PAFAH1B1: variants seen among roughly 807,000 people sequenced by gnomAD.
PAFAH1B1 encodes the protein platelet activating factor acetylhydrolase 1b regulatory subunit 1, also known as platelet-activating factor acetylhydrolase IB subunit beta.
In PAFAH1B1, 2 loss-of-function variants were observed where a neutral mutation model predicts 57.5. The observed-to-expected ratio is 0.03, with a 90% CI of 0.01 to 0.11. PAFAH1B1 has a LOEUF of 0.11. Ranked by LOEUF, PAFAH1B1 falls within the 10% of genes least tolerant of loss-of-function variation. The pLI is 1.00. For missense variants in PAFAH1B1, 257 were observed against 512.0 expected (o/e 0.50, Z 4.81); for synonymous variants, 152 against 169.6 (o/e 0.90, Z 0.81).
chr17:2,597,010 G>A (rs964085127), intron 1 of PAFAH1B1, among the ~76,000 whole-genome samples: 25 of 152,208 alleles, frequency 1.6e-4, no homozygotes, highest in East Asian at 1.5e-3. Context: ...GCAGTGAGCC[G>A]AGATCGTGCC....
intron 2 of PAFAH1B1, among the ~76,000 whole-genome samples, 191 bp from the exon 3 acceptor site, chr17:2,665,181 G>A (rs1035944233): frequency 6.6e-6 from 1 of 151,878 alleles, no homozygotes; most frequent in Non-Finnish European, 1.5e-5. Context: ...TATTATGGAT[G>A]TAGTATGACA....
intron 2 of PAFAH1B1, chr17:2,642,229 A>G (rs1045587095): frequency 2.0e-5 from 3 of 152,174 alleles, no homozygotes; most frequent in African/African-American, 4.8e-5. Context: ...CACTTCCTCA[A>G]TTCTGTAATA....
At chr17:2,655,173 A>T (rs1331426634) in intron 2 of PAFAH1B1, among the ~76,000 whole-genome samples, 1 of 134,980 alleles carries the variant, frequency 7.4e-6, no homozygotes, top group Non-Finnish European at 1.6e-5. Context: ...AAAAATATAT[A>T]TATACATATA....
At chr17:2,651,581 T>C in intron 2 of PAFAH1B1, among the ~76,000 whole-genome samples, 1 of 147,892 alleles carries the variant, frequency 6.8e-6, no homozygotes. Flanking sequence ...TGAGACTCCA[T>C]CTCAAAAAAA....
intron 1 of PAFAH1B1, among the ~76,000 whole-genome samples, chr17:2,632,291 T>A (rs947869826): frequency 1.3e-5 from 2 of 152,220 alleles, no homozygotes; most frequent in Non-Finnish European, 2.9e-5. Context: ...TTCAAAAAAA[T>A]TCAGTTATTT....
intron 4 of PAFAH1B1, 88 bp downstream of exon 4, chr17:2,666,178 G>C: frequency 2.6e-6 from 3 of 1,146,314 alleles, no homozygotes; most frequent in South Asian, 2.9e-5. Context: ...ATTAATAATT[G>C]CATCTAATCT....
chr17:2,665,958 T>C, intron 3 of PAFAH1B1, 58 bp from the exon 4 acceptor site: 9 of 1,356,796 alleles, frequency 6.6e-6, no homozygotes, highest in Non-Finnish European at 9.0e-6. Flanking sequence ...TGAATGATCT[T>C]TGTCTTGAGG....
chr17:2,661,831 C>T (rs867347392), intron 2 of PAFAH1B1: 3 of 152,020 alleles, frequency 2.0e-5, no homozygotes, highest in Non-Finnish European at 4.4e-5. Flanking sequence ...CGTGGTGGCT[C>T]ATGTCTGTAA....
intron 9 of PAFAH1B1, among the ~76,000 whole-genome samples, chr17:2,677,601 TC>T (rs529145172): frequency 1.8e-3 from 268 of 152,292 alleles, no homozygotes; most frequent in African/African-American, 5.8e-3. Flanking sequence ...ACGCCTGTAA[TC>T]CCCGCACTTT....
intron 6 of PAFAH1B1, 74 bp from the exon 7 acceptor site, chr17:2,672,568 CCCCATGGTAAAAT>C (rs2069198907): frequency 1.1e-6 from 1 of 909,980 alleles, no homozygotes; most frequent in East Asian, 2.5e-5. Context: ...CATAGTGAAA[CCCCATGGTAAAAT>C]CCCATGGTCA....
intron 2 of PAFAH1B1, among the ~76,000 whole-genome samples, chr17:2,655,559 C>T (rs903870201): frequency 6.6e-6 from 1 of 152,084 alleles, no homozygotes; most frequent in Non-Finnish European, 1.5e-5. Flanking sequence ...CTGGTAATCC[C>T]AGCTACTCCG....
At chr17:2,614,595 C>G (rs1170451283) in intron 1 of PAFAH1B1, among the ~76,000 whole-genome samples, 4 of 152,110 alleles carry the variant, frequency 2.6e-5, no homozygotes. Flanking sequence ...TTAAAGACGA[C>G]TTTTATAAAA....
chr17:2,596,211 C>T (rs2068082809), intron 1 of PAFAH1B1, among the ~76,000 whole-genome samples: 1 of 151,412 alleles, frequency 6.6e-6, no homozygotes, highest in Non-Finnish European at 1.5e-5. Context: ...AAGATACACA[C>T]ACACATATAT....
intron 2 of PAFAH1B1, among the ~76,000 whole-genome samples, chr17:2,660,786 C>A (rs2069003952): frequency 6.6e-6 from 1 of 152,166 alleles, no homozygotes; most frequent in East Asian, 1.9e-4. Flanking sequence ...ATTGCTGGGT[C>A]AAATGGTATT....
At chr17:2,598,549 G>C (rs576183157) in intron 1 of PAFAH1B1, among the ~76,000 whole-genome samples, 1 of 151,590 alleles carries the variant, frequency 6.6e-6, no homozygotes, top group African/African-American at 2.4e-5. Context: ...TTTTGAAGTG[G>C]AAATTCTTTG....
At chr17:2,602,933 T>G (rs2068161828) in intron 1 of PAFAH1B1, among the ~76,000 whole-genome samples, 1 of 152,228 alleles carries the variant, frequency 6.6e-6, no homozygotes, top group Admixed American at 6.5e-5. Flanking sequence ...CACCGTACTG[T>G]GCTGACTCCC....
rs1394910059 is a variant in PAFAH1B1 at position 2,593,946 on chromosome 17, C to T, written c.-251C>T. On this transcript the variant is annotated 5_prime_UTR_variant, in exon 1 of 11. Coordinates refer to ENST00000397195, the MANE Select transcript of PAFAH1B1 (RefSeq NM_000430.4). ...CCCTCCCCTCTCCCTCCCCCTCCCC[C>T]GCCGGTGGATGGGAGTGAAGGACGG... 1.3e-5 allele frequency: 5 copies of T among 395,870 alleles called. No individual in the cohort carries two copies. In the South Asian group the frequency reaches 3.8e-4, roughly 30 times the overall value. The allele number at this position is 395,870 out of a possible 1,614,324, so 24.5% of individuals were successfully genotyped here. A position where few individuals can be genotyped will look rare whatever the true frequency, so the allele number is the denominator to read the frequency against.
chr17:2,662,378 T>TTGTGTGTGTGTGTGTGTGTG (rs57918293), intron 2 of PAFAH1B1, among the ~76,000 whole-genome samples: 1 of 123,696 alleles, frequency 8.1e-6, no homozygotes, highest in Non-Finnish European at 1.6e-5. Flanking sequence ...TTTAACCTCT[T>TTGTGTGTGTGTGTGTGTGTG]TGTGTGTGTG....
At chr17:2,600,212 C>G (rs2068126017) in intron 1 of PAFAH1B1, among the ~76,000 whole-genome samples, 1 of 151,926 alleles carries the variant, frequency 6.6e-6, no homozygotes, top group Non-Finnish European at 1.5e-5. Flanking sequence ...TCCCAAAGTG[C>G]TGGGATTACA....
Sources: gnomAD v4.1 joint callset for allele counts (sites outside exome capture counted in the v4.1 genomes callset) on GRCh38, gnomAD v4.1.1 for gene constraint, MANE v1.5 for transcripts, NCBI Gene and HGNC (gene_info 2026-07-23, HGNC 2026-07-21) for gene names.